The following IL1RAPL1 variants were observed in gnomAD, a reference collection of about 807,000 sequenced individuals.
IL1RAPL1 encodes interleukin 1 receptor accessory protein like 1.
In IL1RAPL1, 3 loss-of-function variants were observed where a neutral mutation model predicts 48.4. That is an observed-to-expected ratio of 0.06 (90% CI 0.03 to 0.16). IL1RAPL1 has a LOEUF of 0.16. Ranked by LOEUF, IL1RAPL1 falls within the 10% of genes least tolerant of loss-of-function variation. IL1RAPL1 has a pLI of 1.00. For missense variants in IL1RAPL1, 349 were observed against 530.6 expected, an observed-to-expected ratio of 0.66 and a Z score of 3.36; for synonymous variants, 185 against 187.7, an observed-to-expected ratio of 0.99 and a Z score of 0.12.
intron 6 of IL1RAPL1, among the ~76,000 whole-genome samples, chrX:29,887,744 C>T (rs144175740): frequency 1.8e-5 from 2 of 109,726 alleles, no homozygotes; most frequent in African/African-American, 3.3e-5. Context: ...ACATAGAAAA[C>T]AGCAAATTTT....
chrX:29,760,363 C>T (rs751811994), intron 6 of IL1RAPL1, among the ~76,000 whole-genome samples: 15 of 111,563 alleles, frequency 1.3e-4, no homozygotes, highest in Non-Finnish European at 2.6e-4. Flanking sequence ...TATGGTTTTG[C>T]AAGAGGTTAC....
In IL1RAPL1 at chrX:29,897,115, T is replaced by C. The variant is rs1729467345; in HGVS notation, c.779-20349T>C. On this transcript the variant is annotated intron_variant, in intron 6 of 10. Transcript: ENST00000378993. ...TGTGCTTCATGAAGGTCCTGTCACT[T>C]GGTAGATAAGTGAAGGAAGTTATGT... 2.7e-5 allele frequency among the ~76,000 whole-genome samples: 3 copies of C among 112,032 alleles called. No individual in the cohort carries two copies. The South Asian group carries it at 1.1e-3, about 42-fold the overall frequency.
intron 3 of IL1RAPL1, among the ~76,000 whole-genome samples, chrX:29,332,823 C>T (rs1352801662): frequency 9.1e-6 from 1 of 110,233 alleles, no homozygotes; most frequent in Non-Finnish European, 1.9e-5. Flanking sequence ...TCCCTGGGTA[C>T]TTAAGATTAG....
intron 1 of IL1RAPL1, among the ~76,000 whole-genome samples, chrX:28,643,719 G>T (rs1220557947): frequency 8.9e-6 from 1 of 111,876 alleles, no homozygotes; most frequent in Non-Finnish European, 1.9e-5. Flanking sequence ...TGAATATTTA[G>T]AAAGGAGATC....
chrX:29,157,897 T>G, intron 2 of IL1RAPL1, among the ~76,000 whole-genome samples: 1 of 111,878 alleles, frequency 8.9e-6, no homozygotes, highest in East Asian at 2.8e-4. Context: ...GTTCCCCTAT[T>G]AAATCATATG....
intron 5 of IL1RAPL1, among the ~76,000 whole-genome samples, chrX:29,545,737 G>A (rs1921607039): frequency 9.0e-6 from 1 of 111,689 alleles, no homozygotes; most frequent in Non-Finnish European, 1.9e-5. Flanking sequence ...TTTTGGTGTC[G>A]AGCATTTTTG....
At chrX:29,821,701 G>A (rs1359917620) in intron 6 of IL1RAPL1, among the ~76,000 whole-genome samples, 2 of 111,901 alleles carry the variant, frequency 1.8e-5, no homozygotes, top group African/African-American at 6.5e-5. Context: ...TAACTTTAAT[G>A]TATCAAGACT....
intron 2 of IL1RAPL1, among the ~76,000 whole-genome samples, chrX:28,830,642 C>T (rs936295503): frequency 9.0e-6 from 1 of 111,304 alleles, no homozygotes; most frequent in African/African-American, 3.3e-5. Flanking sequence ...AGGTTCAGTA[C>T]TTGGGCTCCC....
chrX:28,958,194 G>A (rs1230195369), intron 2 of IL1RAPL1, among the ~76,000 whole-genome samples: 1 of 110,442 alleles, frequency 9.1e-6, no homozygotes, highest in Non-Finnish European at 1.9e-5. Flanking sequence ...TAGTCATGAT[G>A]TTGCACAATA....
At chrX:29,940,048 A>G (rs1933099803) in intron 8 of IL1RAPL1, among the ~76,000 whole-genome samples, 2 of 110,131 alleles carry the variant, frequency 1.8e-5, no homozygotes, top group Non-Finnish European at 3.8e-5. Flanking sequence ...TTTTTAGTAG[A>G]GACAGGGTTT....
intron 5 of IL1RAPL1, among the ~76,000 whole-genome samples, chrX:29,534,497 T>G (rs182887710): frequency 8.9e-6 from 1 of 111,732 alleles, no homozygotes; most frequent in Non-Finnish European, 1.9e-5. Context: ...GTTGCTTGTT[T>G]TTTAGTAATA....
chrX:28,601,560 A>G (rs1934026839), intron 1 of IL1RAPL1, among the ~76,000 whole-genome samples: 2 of 111,657 alleles, frequency 1.8e-5, no homozygotes. Context: ...CATTGACTAG[A>G]TGGTCAACTC....
At chrX:29,878,133 A>G (rs1417935564) in intron 6 of IL1RAPL1, among the ~76,000 whole-genome samples, 1 of 112,164 alleles carries the variant, frequency 8.9e-6, no homozygotes, top group African/African-American at 3.2e-5. Context: ...AGTAATAACA[A>G]TAGGAAGATA....
At chrX:29,128,311 G>A (rs891247779) in intron 2 of IL1RAPL1, among the ~76,000 whole-genome samples, 5 of 110,873 alleles carry the variant, frequency 4.5e-5, no homozygotes, top group African/African-American at 1.6e-4. Flanking sequence ...TACCATGCAA[G>A]TCTCCTCCTT....
intron 5 of IL1RAPL1, among the ~76,000 whole-genome samples, chrX:29,643,771 C>T (rs1354188495): frequency 9.0e-6 from 1 of 111,538 alleles, no homozygotes; most frequent in Non-Finnish European, 1.9e-5. Flanking sequence ...GCTGCTCCCT[C>T]TTTCTGGAAT....
intron 2 of IL1RAPL1, among the ~76,000 whole-genome samples, chrX:28,869,114 C>A (rs976525383): frequency 8.9e-5 from 10 of 112,687 alleles, no homozygotes; most frequent in African/African-American, 3.2e-4. Flanking sequence ...AAGATTGGTA[C>A]TACAATGTCC....
intron 6 of IL1RAPL1, among the ~76,000 whole-genome samples, chrX:29,878,383 C>T (rs1931954242): frequency 8.9e-6 from 1 of 111,995 alleles, no homozygotes; most frequent in Non-Finnish European, 1.9e-5. Context: ...TTCAATTCTC[C>T]CCCTTTGGGT....
At chrX:29,883,793 A>ATGAT (rs1932077792) in intron 6 of IL1RAPL1, among the ~76,000 whole-genome samples, 1 of 112,428 alleles carries the variant, frequency 8.9e-6, no homozygotes, top group African/African-American at 3.2e-5. Flanking sequence ...TTCATGTTTT[A>ATGAT]TGATTGAGTT....
chrX:29,945,365 T>TTCTTG (rs200506126), intron 9 of IL1RAPL1, among the ~76,000 whole-genome samples: 1,749 of 112,655 alleles, frequency 0.016, 39 homozygotes, highest in African/African-American at 0.053. Flanking sequence ...GCTTTGTAAA[T>TTCTTG]TCTTGTCTTT....
Sources: gnomAD v4.1 joint callset for allele counts (sites outside exome capture counted in the v4.1 genomes callset) on GRCh38, gnomAD v4.1.1 for gene constraint, MANE v1.5 for transcripts, NCBI Gene and HGNC (gene_info 2026-07-23, HGNC 2026-07-21) for gene names.